NXPE2: variants seen among roughly 807,000 people sequenced by gnomAD.
NXPE2 encodes the protein NXPE family member 2.
In NXPE2, 34 loss-of-function variants were observed where a neutral mutation model predicts 34.4. The ratio of observed to expected loss-of-function variants is 0.99; its 90% confidence interval spans 0.75 to 1.31. The LOEUF is 1.31. Ranked by LOEUF, NXPE2 falls within the 40% of genes most tolerant of loss-of-function variation. The pLI, the probability that NXPE2 is intolerant of heterozygous loss-of-function variation, is 0.00. For missense variants in NXPE2, 649 were observed against 672.5 expected (o/e 0.97, Z 0.39); for synonymous variants, 235 against 231.3 (o/e 1.02, Z -0.15).
At chr11:114,490,908 A>T in the NXPE2 span, among the ~76,000 whole-genome samples, 65 of 151,348 alleles carry the variant, frequency 4.3e-4, no homozygotes, top group Non-Finnish European at 8.8e-4. Flanking sequence ...CACGCCTGTA[A>T]TCCCAGCACT....
chr11:114,571,909 T>C, the NXPE2 span, among the ~76,000 whole-genome samples: 1 of 152,220 alleles, frequency 6.6e-6, no homozygotes, highest in East Asian at 1.9e-4. Context: ...TGATGTGCTC[T>C]TGAAAGTGCC....
At chr11:114,488,467 T>C in the NXPE2 span, among the ~76,000 whole-genome samples, 1 of 152,162 alleles carries the variant, frequency 6.6e-6, no homozygotes. Flanking sequence ...AGTAAAGCAC[T>C]CCTCAGCAAA....
chr11:114,546,332 C>A, the NXPE2 span, among the ~76,000 whole-genome samples: 2 of 151,954 alleles, frequency 1.3e-5, no homozygotes, highest in Non-Finnish European at 2.9e-5. Flanking sequence ...AGTGTGTGAA[C>A]CATGTAGTGA....
the NXPE2 span, among the ~76,000 whole-genome samples, chr11:114,787,584 C>G: frequency 6.6e-6 from 1 of 152,152 alleles, no homozygotes; most frequent in Non-Finnish European, 1.5e-5. Flanking sequence ...TGCAGGCACC[C>G]TGCTGAAATA....
the NXPE2 span, among the ~76,000 whole-genome samples, chr11:114,476,468 T>C: frequency 6.6e-6 from 1 of 152,020 alleles, no homozygotes; most frequent in African/African-American, 2.4e-5. Context: ...ATAATAGTTG[T>C]ATTTGTCCAT....
chr11:114,777,427 G>A, the NXPE2 span, among the ~76,000 whole-genome samples: 1 of 152,210 alleles, frequency 6.6e-6, no homozygotes. Flanking sequence ...AGCAAAGAAT[G>A]AGGAGATAAA....
chr11:114,615,528 C>G, the NXPE2 span, among the ~76,000 whole-genome samples: 1 of 151,884 alleles, frequency 6.6e-6, no homozygotes, highest in African/African-American at 2.4e-5. Flanking sequence ...CACAGGTAAC[C>G]ACTGTTACCC....
the NXPE2 span, among the ~76,000 whole-genome samples, chr11:114,598,246 A>G: frequency 2.2e-5 from 1 of 45,454 alleles, no homozygotes; most frequent in Non-Finnish European, 4.7e-5. Context: ...CACTAACGCA[A>G]GGGGTGGGCT....
At chr11:114,482,167 GA>G in the NXPE2 span, among the ~76,000 whole-genome samples, 11 of 152,074 alleles carry the variant, frequency 7.2e-5, no homozygotes, top group Admixed American at 3.9e-4. Flanking sequence ...ATACAGAGAT[GA>G]AAAAAATATA....
At chr11:114,649,410 A>G in the NXPE2 span, among the ~76,000 whole-genome samples, 1 of 152,340 alleles carries the variant, frequency 6.6e-6, no homozygotes, top group African/African-American at 2.4e-5. Context: ...AATGAAAAGG[A>G]ATGAACTACT....
chr11:114,685,163 A>T (rs1214958219), intron 2 of NXPE2, among the ~76,000 whole-genome samples: 1 of 152,120 alleles, frequency 6.6e-6, no homozygotes, highest in Non-Finnish European at 1.5e-5. Context: ...AATCTTCAAA[A>T]TATATATATT....
At chr11:114,589,129 C>T in the NXPE2 span, among the ~76,000 whole-genome samples, 1 of 152,050 alleles carries the variant, frequency 6.6e-6, no homozygotes, top group Non-Finnish European at 1.5e-5. Context: ...AAAGGATATC[C>T]AGGAAGCAAG....
chr11:114,552,801 T>G, the NXPE2 span: 1 of 783,160 alleles, frequency 1.3e-6, no homozygotes, highest in Non-Finnish European at 1.5e-6. Context: ...AGATTCTCAA[T>G]CTCCTTTTCA....
the NXPE2 span, among the ~76,000 whole-genome samples, chr11:114,601,744 TA>T: frequency 1.4e-5 from 1 of 71,438 alleles, no homozygotes; most frequent in African/African-American, 6.0e-5. Flanking sequence ...TATATAATTA[TA>T]ATATATAATA....
At chr11:114,802,903 TA>T in the NXPE2 span, among the ~76,000 whole-genome samples, 6 of 151,280 alleles carry the variant, frequency 4.0e-5, no homozygotes, top group South Asian at 4.2e-4. Flanking sequence ...AAAAGATAAT[TA>T]AAAAAAAACG....
At chr11:114,707,297 G>T (rs187344472), downstream of NXPE2, 2,964 of 287,082 alleles carry the variant, frequency 0.01, 26 homozygotes, top group Non-Finnish European at 0.015. Context: ...TTCACTATCT[G>T]GTTGGCCAGG....
At chr11:114,808,381 T>A in the NXPE2 span, among the ~76,000 whole-genome samples, 1 of 151,120 alleles carries the variant, frequency 6.6e-6, no homozygotes. Flanking sequence ...CAAAAAACCC[T>A]TCAAAAAATT....
chr11:114,688,783 G>A (rs999419844), intron 2 of NXPE2, among the ~76,000 whole-genome samples: 19 of 151,892 alleles, frequency 1.3e-4, no homozygotes, highest in Non-Finnish European at 2.4e-4. Flanking sequence ...GTCATTTTTG[G>A]TCTGTTCAGG....
chr11:114,695,830 A>AACACACTCACAC (rs1555078535), intron 2 of NXPE2, among the ~76,000 whole-genome samples: 1 of 132,536 alleles, frequency 7.5e-6, no homozygotes, highest in African/African-American at 2.9e-5. Flanking sequence ...GTCTCTACTA[A>AACACACTCACAC]ACACACACAC....
Sources: allele counts gnomAD v4.1 joint callset (sites outside exome capture counted in the v4.1 genomes callset), GRCh38; gene constraint gnomAD v4.1.1; transcripts MANE v1.5; gene names NCBI Gene and HGNC (gene_info 2026-07-23, HGNC 2026-07-21).